The following C7 variants were observed in gnomAD, a reference collection of about 807,000 sequenced individuals.
C7 encodes complement component C7.
C7 carries 83 observed loss-of-function variants against 104.8 expected under a neutral mutation model. The ratio of observed to expected loss-of-function variants is 0.79; its 90% CI spans 0.66 to 0.95. The LOEUF (loss-of-function observed/expected upper bound fraction) is 0.95, where lower values mean the gene tolerates loss of function less well. Among genes scored for constraint, C7 ranks in the 40% least tolerant of loss-of-function variants. The pLI is 0.00. For synonymous variants in C7, 415 were observed against 360.6 expected, an observed-to-expected ratio of 1.15 and a Z score of -1.71; for missense variants, 1,070 against 1,011.2, an observed-to-expected ratio of 1.06 and a Z score of -0.79.
At chr5:40,917,253 A>G (rs1223538384) in intron 1 of C7, among the ~76,000 whole-genome samples, 1 of 152,134 alleles carries the variant, frequency 6.6e-6, no homozygotes, top group African/African-American at 2.4e-5. Context: ...CCTTTGACCA[A>G]CATCTCTTCA....
At chr5:40,932,508 C>T (rs1000082606) in intron 3 of C7, among the ~76,000 whole-genome samples, 7 of 151,988 alleles carry the variant, frequency 4.6e-5, no homozygotes, top group Non-Finnish European at 7.4e-5. Flanking sequence ...ATTAAAATAA[C>T]AGAATCATAC....
intron 12 of C7, 40 bp from the exon 13 acceptor site, chr5:40,962,045 T>C: frequency 8.9e-7 from 1 of 1,129,376 alleles, no homozygotes; most frequent in Non-Finnish European, 1.3e-6. Context: ...TATTATACTG[T>C]GCAAATCAAT....
In C7 at chr5:40,955,460, T is replaced by C; in HGVS notation, c.1167T>C (p.Ser389=). The C allele has an allele frequency of 1.2e-6, 2 of 1,613,310 alleles. No individual in the cohort carries two copies. Among genetic ancestry groups the C allele is most frequent in the Non-Finnish European group, 1.7e-6 (2 of 1,179,542 alleles). The change falls in exon 10 of 18, where the codon AGT becomes AGC. Residue 389 remains serine, a synonymous_variant. Coordinates refer to ENST00000313164, the MANE Select transcript of C7 (RefSeq NM_000587.4). ...GTGCAGGCTTCATATCTGGCCTTAG[T>C]TACCTAGAGCTGGACAATCCTGCTG... is the stretch of plus-strand genomic sequence containing the variant. ...GGGAGFISGL[S]YLELDNPAGN...
intron 16 of C7, 23 bp from the exon 17 acceptor site, chr5:40,979,702 A>T (rs1048060312): frequency 1.3e-6 from 2 of 1,593,938 alleles, no homozygotes; most frequent in African/African-American, 2.7e-5. Flanking sequence ...CTTGTAAATA[A>T]TGTCATTAAA....
At position 40,937,615 on chromosome 5, in the gene C7, ATGTAGAAAGG is replaced by A. The variant is rs1561243870; in HGVS notation, c.496_505del (p.Arg166LeufsTer11). ...TCAATACCAAAAGTTTTGGTGGTCA[ATGTAGAAAGG>A]TGTTTAGTGGGGATGGAAAAGATTT... On this transcript the variant is annotated frameshift_variant, in exon 6 of 18. Coordinates refer to ENST00000313164, the MANE Select transcript of C7 (RefSeq NM_000587.4). LOFTEE classifies it high-confidence loss of function. 3 of 1,612,878 alleles carry A rather than the reference ATGTAGAAAGG, an allele frequency of 1.9e-6. No individual in the cohort carries two copies. The highest frequency in any genetic ancestry group is 2.5e-6 in the Non-Finnish European group (3 of 1,179,220).
chr5:40,937,789 T>G, intron 6 of C7, 99 bp downstream of exon 6: 3 of 942,812 alleles, frequency 3.2e-6, no homozygotes, highest in Non-Finnish European at 3.0e-6. Context: ...ACTTATGGCC[T>G]AATGTGTGGT....
At chr5:40,959,418 C>G (rs1478820773) in intron 11 of C7, 31 bp from the exon 12 acceptor site, 10 of 1,592,362 alleles carry the variant, frequency 6.3e-6, no homozygotes, top group Non-Finnish European at 8.5e-6. Context: ...TCTTTAAGAA[C>G]TTATTGATCA....
intron 15 of C7, among the ~76,000 whole-genome samples, chr5:40,975,563 C>T (rs2111719568): frequency 6.6e-6 from 1 of 152,168 alleles, no homozygotes; most frequent in East Asian, 1.9e-4. Flanking sequence ...AGGGTTTCAC[C>T]ATGTTGGCTA....
intron 16 of C7, 124 bp from the exon 17 acceptor site, chr5:40,979,596 CTTTTT>C (rs35148902): frequency 1.6e-5 from 8 of 512,444 alleles, no homozygotes; most frequent in Admixed American, 3.9e-5. Context: ...GAGTTTCCAC[CTTTTT>C]TTTTTTTTTA....
chr5:40,915,399 G>A (rs1293267733), intron 1 of C7, among the ~76,000 whole-genome samples: 1 of 152,120 alleles, frequency 6.6e-6, no homozygotes, highest in African/African-American at 2.4e-5. Flanking sequence ...GAAAGTAAGA[G>A]AGACAGATTT....
At chr5:40,936,671 G>A (rs1579849245) in intron 5 of C7, among the ~76,000 whole-genome samples, 186 bp downstream of exon 5, 1 of 152,128 alleles carries the variant, frequency 6.6e-6, no homozygotes, top group Non-Finnish European at 1.5e-5. Context: ...GATACATGTG[G>A]TAGATGCAGA....
At chr5:40,911,497 C>T (rs1739206780) in intron 1 of C7, among the ~76,000 whole-genome samples, 1 of 152,132 alleles carries the variant, frequency 6.6e-6, no homozygotes, top group Non-Finnish European at 1.5e-5. Flanking sequence ...TTCCGTCCCT[C>T]CAGGAGAGAG....
chr5:40,957,230 C>T (rs1282259052), intron 10 of C7, among the ~76,000 whole-genome samples: 2 of 152,164 alleles, frequency 1.3e-5, no homozygotes, highest in Non-Finnish European at 2.9e-5. Flanking sequence ...CCTGGGAGAG[C>T]AGACTGTTAA....
intron 5 of C7, chr5:40,937,334 T>G: frequency 2.3e-5 from 7 of 308,230 alleles, no homozygotes; most frequent in Non-Finnish European, 3.0e-5. Context: ...TTCTGAGCCA[T>G]TAGTTTTAGT....
chr5:40,946,318 T>G (rs1348459827), intron 7 of C7, among the ~76,000 whole-genome samples: 1 of 152,174 alleles, frequency 6.6e-6, no homozygotes, highest in East Asian at 1.9e-4. Flanking sequence ...GGCTGAATAA[T>G]TTTTTTAGGC....
intron 6 of C7, among the ~76,000 whole-genome samples, chr5:40,941,513 AAAAG>A (rs1319345780): frequency 1.3e-5 from 2 of 152,206 alleles, no homozygotes; most frequent in Non-Finnish European, 2.9e-5. Context: ...TGGATTAAAA[AAAAG>A]AGTCAGAGAG....
intron 11 of C7, 95 bp from the exon 12 acceptor site, chr5:40,959,354 C>G: frequency 9.1e-7 from 1 of 1,100,644 alleles, no homozygotes; most frequent in East Asian, 2.6e-5. Context: ...CCAGAATGAT[C>G]TCTTCCTCCA....
At chr5:40,919,904 A>T (rs1739404349) in intron 1 of C7, among the ~76,000 whole-genome samples, 1 of 152,136 alleles carries the variant, frequency 6.6e-6, no homozygotes, top group Admixed American at 6.6e-5. Flanking sequence ...ATTTAAAATA[A>T]ATAAGCTAAT....
rs998925182 is a variant in C7, at chr5:40,957,604, C to T, written c.1261-429C>T. ...CTAAGTAGCTGGGATTACAGACATGCGCCACCACACCCTGCTAATTTTGTA... is the reference window on the plus strand; with the variant it reads ...CTAAGTAGCTGGGATTACAGACATGTGCCACCACACCCTGCTAATTTTGTA... On this transcript the variant is annotated intron_variant, in intron 10 of 17. Coordinates refer to ENST00000313164, the MANE Select transcript of C7 (RefSeq NM_000587.4). Among the ~76,000 whole-genome samples the T allele has an allele frequency of 9.2e-5, 14 of 152,014 alleles. No individual in the cohort carries two copies. In the South Asian group the frequency reaches 1.0e-3, roughly 11 times the overall value.
Sources: gnomAD v4.1 joint callset for allele counts (sites outside exome capture counted in the v4.1 genomes callset) on GRCh38, gnomAD v4.1.1 for gene constraint, MANE v1.5 for transcripts, NCBI Gene and HGNC (gene_info 2026-07-23, HGNC 2026-07-21) for gene names.